Variants in ZNF462 observed in about 807,000 individuals in gnomAD.
The protein encoded by ZNF462 is zinc finger protein 462.
A neutral mutation model predicts 201.9 loss-of-function variants in ZNF462; 10 were observed. The observed-to-expected ratio is 0.05, with a 90% CI of 0.03 to 0.08. The LOEUF is 0.08. Among genes scored for constraint, ZNF462 ranks in the 10% least tolerant of loss-of-function variants. The pLI, the probability that ZNF462 is intolerant of heterozygous loss-of-function variation, is 1.00. For missense variants in ZNF462, 2,523 were observed against 3,168.3 expected (o/e 0.80, Z 4.89); for synonymous variants, 1,227 against 1,193.3 (o/e 1.03, Z -0.58).
intron 7 of ZNF462, among the ~76,000 whole-genome samples, chr9:106,951,731 A>T (rs1831357171): frequency 6.6e-6 from 1 of 152,088 alleles, no homozygotes; most frequent in South Asian, 2.1e-4. Flanking sequence ...GGGTACCATA[A>T]GCCTGTCCAA....
intron 1 of ZNF462, among the ~76,000 whole-genome samples, chr9:106,908,902 C>CGTATATACATATATATATATATAT (rs1564090567): frequency 1.3e-5 from 1 of 77,206 alleles, no homozygotes; most frequent in Admixed American, 1.7e-4. Context: ...AATATTTGCC[C>CGTATATACATATATATATATATAT]ATATATACAT....
chr9:106,912,286 T>C (rs931423506), intron 1 of ZNF462, among the ~76,000 whole-genome samples: 4 of 152,266 alleles, frequency 2.6e-5, no homozygotes, highest in Non-Finnish European at 5.9e-5. Context: ...TTCAGTGTTA[T>C]AGCTCTTGTT....
In ZNF462 at chr9:106,870,845, T is replaced by TA. The variant is rs1334056282; in HGVS notation, c.-31+7492dup. ...AGCTGGGGAAGGCCAAACTCACTCT[T>TA]AAGTTCTCGTCTGAGCAGTTGAACC... On this transcript the variant is annotated intron_variant, in intron 1 of 12. Transcript: ENST00000277225. The surrounding 1 kb of genome is among the most constrained non-coding windows in gnomAD (Gnocchi z 4.3). Among the ~76,000 whole-genome samples, 1 of 152,166 alleles carries TA rather than the reference T, an allele frequency of 6.6e-6. No individual in the cohort carries two copies. Among genetic ancestry groups the TA allele is most frequent in the African/African-American group, 2.4e-5 (1 of 41,426 alleles).
At chr9:107,001,455 T>C (rs1284032097) in intron 10 of ZNF462, among the ~76,000 whole-genome samples, 2 of 152,296 alleles carry the variant, frequency 1.3e-5, no homozygotes, top group Admixed American at 6.5e-5. Flanking sequence ...CTTTTACAAA[T>C]GAAGATATCA....
intron 7 of ZNF462, among the ~76,000 whole-genome samples, chr9:106,955,934 A>G (rs1034827245): frequency 6.6e-6 from 1 of 152,100 alleles, no homozygotes; most frequent in Non-Finnish European, 1.5e-5. Context: ...CCACACCTGC[A>G]GTTACTTCCT....
In ZNF462 at chr9:106,924,146, T is replaced by C. The variant is rs778888774; in HGVS notation, c.234T>C (p.Thr78=). The change falls in exon 3 of 13, where the codon ACT becomes ACC. Residue 78 remains threonine, a synonymous_variant. Transcript: ENST00000277225. The surrounding 1 kb of genome is among the most constrained non-coding windows in gnomAD (Gnocchi z 6.2). The part of the protein sequence containing the change: ...IAEDLSGQNA[T]SLGTGGYYGH... ...CTTTTTCTTTAGGTCAAAATGCAAC[T>C]TCATTGGGGACCGGAGGTTACTATG... 6.3e-7 allele frequency: 1 copy of C among 1,595,818 alleles called. No individual in the cohort carries two copies. Among genetic ancestry groups the C allele is most frequent in the South Asian group, 1.1e-5 (1 of 87,080 alleles).
rs947208167 is a variant in ZNF462 at position 106,933,006 on chromosome 9, C to A, written c.6116+457C>A. Among the ~76,000 whole-genome samples, 5 of 152,142 alleles carry A rather than the reference C, an allele frequency of 3.3e-5. No homozygotes were observed. The highest frequency in any genetic ancestry group is 5.9e-5 in the Non-Finnish European group (4 of 68,034). Reference sequence around the variant, plus strand: ...AAAGATCTTGAAAGGTAAAGAAGTTCATGGATGCCAAAGAGTTGCTTGACA... The same window carrying A: ...AAAGATCTTGAAAGGTAAAGAAGTTAATGGATGCCAAAGAGTTGCTTGACA... On this transcript the variant is annotated intron_variant, in intron 5 of 12. Transcript: ENST00000277225. This position sits in a 1 kb window ranked among gnomAD's most constrained non-coding sequence, Gnocchi z 4.3.
At position 106,988,353 on chromosome 9, in the gene ZNF462, G is replaced by A. The variant is rs147784445; in HGVS notation, c.7056+3944G>A. 1.1e-4 allele frequency among the ~76,000 whole-genome samples: 17 copies of A among 152,182 alleles called. No individual in the cohort carries two copies. In the East Asian group the frequency reaches 3.3e-3, roughly 29 times the overall value. ...TTCACTACCACAAGAACAGTATGGG[G>A]GAAACTGCCCACGTGATTCAATTAT... is the stretch of plus-strand genomic sequence containing the variant. On this transcript the variant is annotated intron_variant, in intron 10 of 12. Transcript: ENST00000277225.
intron 1 of ZNF462, among the ~76,000 whole-genome samples, chr9:106,889,815 G>A (rs905819041): frequency 6.6e-6 from 1 of 152,072 alleles, no homozygotes; most frequent in Non-Finnish European, 1.5e-5. Context: ...TAGAAGTGGT[G>A]CGTTTTAATG....
rs971199321 is a variant in ZNF462 at position 106,890,337 on chromosome 9, G to A, written c.-31+26982G>A. On this transcript the variant is annotated intron_variant, in intron 1 of 12. Transcript: ENST00000277225. The surrounding 1 kb of genome is among the most constrained non-coding windows in gnomAD (Gnocchi z 4.2). ...CGGCAACACATGCAGTGCCCCTTCC[G>A]GGAACACTGGTGATCTTCTGGTCTC... 6.6e-6 allele frequency among the ~76,000 whole-genome samples: 1 copy of A among 152,170 alleles called. No homozygotes were observed. The highest frequency in any genetic ancestry group is 1.5e-5 in the Non-Finnish European group (1 of 68,042).
At chr9:106,861,935 C>T (rs1827078692), upstream of ZNF462, among the ~76,000 whole-genome samples, 1 of 152,180 alleles carries the variant, frequency 6.6e-6, no homozygotes. Flanking sequence ...AAAGTGCAAA[C>T]AACGCGGGGC....
chr9:106,951,853 T>TG (rs912578577), intron 7 of ZNF462, among the ~76,000 whole-genome samples: 1 of 149,190 alleles, frequency 6.7e-6, no homozygotes, highest in African/African-American at 2.4e-5. Context: ...AGTGTTGTGT[T>TG]TTTTTTTTTT....
At position 106,984,080 on chromosome 9, in the gene ZNF462, C is replaced by T. The variant is rs1017407280; in HGVS notation, c.6833-106C>T. On this transcript the variant is annotated intron_variant, in intron 9 of 12. Transcript: ENST00000277225. The surrounding 1 kb of genome is among the most constrained non-coding windows in gnomAD (Gnocchi z 6.4). ...GTGTCAGTTCAAGGAACCAGATCCA[C>T]GAGGAGCAGCAAGATTGGGTGAGTT... 3.9e-5 allele frequency: 41 copies of T among 1,039,880 alleles called. No individual in the cohort carries two copies. The Admixed American group carries it at 5.4e-4, about 14-fold the overall frequency. The allele number at this position is 1,039,880 out of a possible 1,614,324, so 64.4% of individuals were successfully genotyped here. A position where few individuals can be genotyped will look rare whatever the true frequency, so the allele number is the denominator to read the frequency against.
chr9:107,010,727 A>G lies in ZNF462; in HGVS notation c.7314-96A>G. 8.1e-7 allele frequency: 1 copy of G among 1,241,878 alleles called. No individual in the cohort carries two copies. Among genetic ancestry groups the G allele is most frequent in the Non-Finnish European group, 1.1e-6 (1 of 920,034 alleles). 76.9% of individuals were successfully genotyped at this position (1,241,878 alleles called of 1,614,324 possible). ...ACCCCAAGGCTTTTTGAGGATCAGG[A>G]AAATAAAGACACTCGAGGGTTTTTA... On this transcript the variant is annotated intron_variant, in intron 12 of 12. Transcript: ENST00000277225. This position sits in a 1 kb window ranked among gnomAD's most constrained non-coding sequence, Gnocchi z 4.6.
rs1831005755 is a variant in ZNF462 at position 106,944,192 on chromosome 9, G to T, written c.6427+5085G>T. ...TGCGCACAATTATTGATCTTAGAGT[G>T]GGCTAATTTGTTCTCTGTGTCTCTG... On this transcript the variant is annotated intron_variant, in intron 7 of 12. Transcript: ENST00000277225. 7.2e-5 allele frequency among the ~76,000 whole-genome samples: 11 copies of T among 152,234 alleles called. 1 individual carries two copies. The South Asian group carries it at 2.3e-3, about 32-fold the overall frequency.
At position 106,928,277 on chromosome 9, in the gene ZNF462, C is replaced by T; in HGVS notation, c.4365C>T (p.Ser1455=). The change falls in exon 3 of 13, where the codon AGC becomes AGT. Residue 1455 remains serine, a synonymous_variant. Coordinates refer to ENST00000277225, the MANE Select transcript of ZNF462 (RefSeq NM_021224.6). This position sits in a 1 kb window ranked among gnomAD's most constrained non-coding sequence, Gnocchi z 9.3. ...PEDARLSPEK[S]LQLASANPAI... is the part of the protein sequence containing the mutation. ...ATGCAAGACTGTCCCCTGAGAAAAG[C>T]CTGCAGCTAGCTTCAGCCAACCCCG... The T allele has an allele frequency of 6.2e-7, 1 of 1,613,940 alleles. No individual in the cohort carries two copies. Among genetic ancestry groups the T allele is most frequent in the Non-Finnish European group, 8.5e-7 (1 of 1,179,950 alleles).
chr9:106,867,606 C>T (rs939960581), intron 1 of ZNF462, among the ~76,000 whole-genome samples: 1 of 151,482 alleles, frequency 6.6e-6, no homozygotes, highest in Admixed American at 6.6e-5. Context: ...TCTGCTCTTC[C>T]TAATGAATCT....
In ZNF462 at chr9:106,978,327, C is replaced by A. The variant is rs1008315966; in HGVS notation, c.6832+4054C>A. Among the ~76,000 whole-genome samples, 1 of 151,482 alleles carries A rather than the reference C, an allele frequency of 6.6e-6. No individual in the cohort carries two copies. The highest frequency in any genetic ancestry group is 1.5e-5 in the Non-Finnish European group (1 of 68,024). Reference sequence around the variant, plus strand: ...AATGTTATTAGACATTTCCGGGGTCCTGAAGAGAATAGGAAGCATACCAGA... The same window carrying A: ...AATGTTATTAGACATTTCCGGGGTCATGAAGAGAATAGGAAGCATACCAGA... On this transcript the variant is annotated intron_variant, in intron 9 of 12. Transcript: ENST00000277225. The surrounding 1 kb of genome is among the most constrained non-coding windows in gnomAD (Gnocchi z 4.1).
intron 10 of ZNF462, among the ~76,000 whole-genome samples, chr9:106,992,761 T>C (rs541693201): frequency 6.6e-6 from 1 of 152,178 alleles, no homozygotes; most frequent in South Asian, 2.1e-4. Flanking sequence ...TGAAGGAGCT[T>C]CTCAGAGTGA....
Sources: allele counts gnomAD v4.1 joint callset (sites outside exome capture counted in the v4.1 genomes callset), GRCh38; gene constraint gnomAD v4.1.1; non-coding constraint Gnocchi (gnomAD v3.1); transcripts MANE v1.5; gene names NCBI Gene and HGNC (gene_info 2026-07-23, HGNC 2026-07-21).